The following RPRD1A variants were observed in gnomAD, a reference collection of about 807,000 sequenced individuals.
The protein encoded by RPRD1A is regulation of nuclear pre-mRNA domain containing 1A, also known as regulation of nuclear pre-mRNA domain-containing protein 1A.
In RPRD1A, 9 loss-of-function variants were observed where a neutral mutation model predicts 37.8. The observed-to-expected ratio is 0.24, with a 90% CI of 0.14 to 0.42. RPRD1A has a LOEUF of 0.42. Among genes scored for constraint, RPRD1A ranks in the 10% least tolerant of loss-of-function variants. The pLI, the probability that RPRD1A is intolerant of heterozygous loss-of-function variation, is 1.00. For missense variants in RPRD1A, 255 were observed against 371.0 expected (o/e 0.69, Z 2.57); for synonymous variants, 138 against 139.7 (o/e 0.99, Z 0.08).
At chr18:36,057,034 G>C (rs892084349) in intron 1 of RPRD1A, among the ~76,000 whole-genome samples, 4 of 110,396 alleles carry the variant, frequency 3.6e-5, no homozygotes, top group African/African-American at 1.1e-4. Context: ...CAGCAACACA[G>C]CTAGACCCTG....
chr18:36,005,418 T>C (rs1909688828), intron 6 of RPRD1A, among the ~76,000 whole-genome samples: 1 of 152,232 alleles, frequency 6.6e-6, no homozygotes, highest in African/African-American at 2.4e-5. Context: ...TTGCTGTAAA[T>C]TTGTGGGCAG....
Position 36,060,113 on chromosome 18 carries a change from G to A in RPRD1A, c.151+7141C>T, listed in dbSNP as rs978082733. The stretch of plus-strand genomic sequence containing the variant: ...TCTCTTCATTTTTAGGATTTATATT[G>A]CTATATATTTTTAAAGCAAATGAAA... On this transcript the variant is annotated intron_variant, in intron 1 of 6. Transcript: ENST00000399022. 7.0e-4 allele frequency among the ~76,000 whole-genome samples: 107 copies of A among 152,126 alleles called. 2 individuals carry two copies. Among genetic ancestry groups the A allele is most frequent in the African/African-American group, 2.5e-3 (103 of 41,416 alleles).
At chr18:35,996,961 G>T (rs1329529044) in intron 6 of RPRD1A, among the ~76,000 whole-genome samples, 1 of 116,616 alleles carries the variant, frequency 8.6e-6, no homozygotes, top group Non-Finnish European at 1.6e-5. Flanking sequence ...CTAGGCAATA[G>T]AGTGAGACCC....
intron 6 of RPRD1A, among the ~76,000 whole-genome samples, chr18:36,022,069 AG>A (rs1258929362): frequency 1.3e-5 from 2 of 152,258 alleles, no homozygotes; most frequent in Non-Finnish European, 2.9e-5. Context: ...GGTGATATGT[AG>A]GAAGTTTCAG....
At chr18:36,029,684 C>T (rs1296604194) in intron 4 of RPRD1A, among the ~76,000 whole-genome samples, 1 of 150,364 alleles carries the variant, frequency 6.7e-6, no homozygotes, top group Non-Finnish European at 1.5e-5. Flanking sequence ...GAATACCATA[C>T]CATACCAACA....
intron 6 of RPRD1A, among the ~76,000 whole-genome samples, chr18:36,011,005 TAC>T (rs1188096480): frequency 6.6e-6 from 1 of 152,186 alleles, no homozygotes; most frequent in Non-Finnish European, 1.5e-5. Flanking sequence ...ATAAAAATAC[TAC>T]AGACATCTGA....
intron 1 of RPRD1A, among the ~76,000 whole-genome samples, chr18:36,060,216 G>A (rs577299103): frequency 6.6e-6 from 1 of 152,096 alleles, no homozygotes; most frequent in South Asian, 2.1e-4. Flanking sequence ...CGGATCACGA[G>A]GTCAGGAGAT....
intron 6 of RPRD1A, among the ~76,000 whole-genome samples, chr18:36,003,511 G>A (rs973625052): frequency 5.3e-5 from 8 of 152,172 alleles, no homozygotes; most frequent in African/African-American, 1.7e-4. Context: ...AATTTGCACT[G>A]GTTACAGACC....
At chr18:36,021,855 G>A (rs910283009) in intron 6 of RPRD1A, among the ~76,000 whole-genome samples, 32 of 152,190 alleles carry the variant, frequency 2.1e-4, no homozygotes, top group African/African-American at 7.0e-4. Context: ...TTTAAAATTA[G>A]CCAGGCATGG....
chr18:36,002,697 A>C (rs1909498187), intron 6 of RPRD1A, among the ~76,000 whole-genome samples: 1 of 152,182 alleles, frequency 6.6e-6, no homozygotes, highest in Non-Finnish European at 1.5e-5. Flanking sequence ...TCACTTCAAA[A>C]TTTGTGCCAT....
Position 36,062,323 on chromosome 18 carries a change from C to CAAAAA in RPRD1A, c.151+4926_151+4930dup, listed in dbSNP as rs752980996. 1.7e-3 allele frequency among the ~76,000 whole-genome samples: 70 copies of CAAAAA among 40,588 alleles called. 4 individuals carry two copies. The highest frequency in any genetic ancestry group is 6.1e-3 in the African/African-American group (62 of 10,104). The allele number at this position is 40,588 out of a possible 152,430, so 26.6% of individuals were successfully genotyped here. A position where few individuals can be genotyped will look rare whatever the true frequency, so the allele number is the denominator to read the frequency against. Reference sequence around the variant, plus strand: ...TGGGCGACAGAGCGAGACTCCGTCTCAAAAAAAAAAAAAAAAAAAAAAAAA... The same window carrying CAAAAA: ...TGGGCGACAGAGCGAGACTCCGTCTCAAAAAAAAAAAAAAAAAAAAAAAAAAAAAA... On this transcript the variant is annotated intron_variant, in intron 1 of 6. Coordinates refer to ENST00000399022, the MANE Select transcript of RPRD1A (RefSeq NM_018170.5).
chr18:36,017,823 C>T (rs1910700048), intron 6 of RPRD1A, among the ~76,000 whole-genome samples: 1 of 152,194 alleles, frequency 6.6e-6, no homozygotes, highest in African/African-American at 2.4e-5. Flanking sequence ...TGAACACTGG[C>T]TTAAGGACTC....
At chr18:36,003,978 GAGAC>G (rs967721392) in intron 6 of RPRD1A, among the ~76,000 whole-genome samples, 3 of 149,594 alleles carry the variant, frequency 2.0e-5, no homozygotes, top group African/African-American at 4.9e-5. Flanking sequence ...GAGGGAGAGG[GAGAC>G]AGACAGACAG....
In RPRD1A at chr18:36,026,856, G is replaced by C. The variant is rs376201911; in HGVS notation, c.789+44C>G. 1.4e-5 allele frequency: 22 copies of C among 1,524,718 alleles called. No individual in the cohort carries two copies. The African/African-American group carries it at 2.8e-4, about 19-fold the overall frequency. 94.4% of individuals were successfully genotyped at this position (1,524,718 alleles called of 1,614,324 possible). On this transcript the variant is annotated intron_variant, in intron 6 of 6. Transcript: ENST00000399022. The stretch of plus-strand genomic sequence containing the variant: ...AATATTTTAAAATTCCTAACAAAAA[G>C]AGAATTAAATAAATAAGCACTAAAG...
intron 6 of RPRD1A, among the ~76,000 whole-genome samples, chr18:36,016,854 G>A (rs1910620128): frequency 6.6e-6 from 1 of 152,126 alleles, no homozygotes; most frequent in African/African-American, 2.4e-5. Context: ...TATAGTAAAT[G>A]TGCAAAAAGA....
rs375202145 is a variant in RPRD1A at position 36,027,089 on chromosome 18, G to A, written c.614-14C>T. On this transcript the variant is annotated splice_polypyrimidine_tract_variant and intron_variant, in intron 5 of 6. Coordinates refer to ENST00000399022, the MANE Select transcript of RPRD1A (RefSeq NM_018170.5). ...CAGATTCTTTATCTAAGAAAAGCAC[G>A]GGATAATAAAATATTATACAACAAA... The A allele has an allele frequency of 4.7e-5, 75 of 1,612,756 alleles. No homozygotes were observed. Among genetic ancestry groups the A allele is most frequent in the Non-Finnish European group, 5.8e-5 (68 of 1,179,212 alleles).
At chr18:36,060,567 G>A (rs142686116) in intron 1 of RPRD1A, among the ~76,000 whole-genome samples, 2 of 152,306 alleles carry the variant, frequency 1.3e-5, no homozygotes, top group East Asian at 3.9e-4. Flanking sequence ...GAATACGAAT[G>A]TTAATTCAAC....
At chr18:35,993,349 C>T in intron 6 of RPRD1A, 49 bp from the exon 7 acceptor site, 1 of 1,601,382 alleles carries the variant, frequency 6.2e-7, no homozygotes, top group East Asian at 2.2e-5. Flanking sequence ...GAAAAAACTT[C>T]CTAGCTAATA....
chr18:36,053,136 A>G (rs962700724), intron 1 of RPRD1A, among the ~76,000 whole-genome samples: 2 of 152,166 alleles, frequency 1.3e-5, no homozygotes, highest in African/African-American at 4.8e-5. Flanking sequence ...AAGCACACAG[A>G]CACATTAAAG....
Sources: allele counts gnomAD v4.1 joint callset (sites outside exome capture counted in the v4.1 genomes callset), GRCh38; gene constraint gnomAD v4.1.1; transcripts MANE v1.5; gene names NCBI Gene and HGNC (gene_info 2026-07-23, HGNC 2026-07-21).